The following ADAM32 variants were observed in gnomAD, a reference collection of about 807,000 sequenced individuals.
ADAM32 encodes the protein ADAM metallopeptidase domain 32, also known as disintegrin and metalloproteinase domain-containing protein 32.
A neutral mutation model predicts 114.9 loss-of-function variants in ADAM32; 89 were observed. The observed-to-expected ratio is 0.77, with a 90% CI of 0.65 to 0.92. The LOEUF is 0.92. Among genes scored for constraint, ADAM32 ranks in the 40% least tolerant of loss-of-function variants. The pLI is 0.00. For synonymous variants in ADAM32, 285 were observed against 307.5 expected (o/e 0.93, Z 0.77); for missense variants, 870 against 932.8 (o/e 0.93, Z 0.88).
intron 18 of ADAM32, 83 bp downstream of exon 18, chr8:39,254,599 CT>C: frequency 9.8e-7 from 1 of 1,020,940 alleles, no homozygotes; most frequent in Non-Finnish European, 1.4e-6. Context: ...GATTTTTCCA[CT>C]TACAAGGCAA....
At chr8:39,193,731 C>T (rs978249318) in intron 11 of ADAM32, among the ~76,000 whole-genome samples, 3 of 152,012 alleles carry the variant, frequency 2.0e-5, no homozygotes, top group Admixed American at 6.6e-5. Context: ...TGGGTTCAGT[C>T]GACTGGCTTT....
chr8:39,273,277 G>A (rs1022692439), intron 20 of ADAM32, among the ~76,000 whole-genome samples: 11 of 151,942 alleles, frequency 7.2e-5, no homozygotes, highest in Non-Finnish European at 1.6e-4. Context: ...AGGCTGAGGC[G>A]GGCGGATCAC....
At chr8:39,187,758 T>A (rs1806344891) in intron 11 of ADAM32, among the ~76,000 whole-genome samples, 1 of 152,190 alleles carries the variant, frequency 6.6e-6, no homozygotes, top group African/African-American at 2.4e-5. Flanking sequence ...GATAAATTAC[T>A]TGACTTTGCC....
At chr8:39,122,287 A>T (rs1413174967) in intron 2 of ADAM32, among the ~76,000 whole-genome samples, 4 of 152,228 alleles carry the variant, frequency 2.6e-5, no homozygotes, top group Non-Finnish European at 5.9e-5. Flanking sequence ...CCAAATCCAT[A>T]TGTTGAAAAC....
At chr8:39,215,796 G>C (rs778419404) in intron 12 of ADAM32, among the ~76,000 whole-genome samples, 2 of 151,892 alleles carry the variant, frequency 1.3e-5, no homozygotes, top group Non-Finnish European at 2.9e-5. Flanking sequence ...GATTTCTTTT[G>C]TGACCTAACA....
At chr8:39,243,793 G>GAGAA (rs146755046) in intron 16 of ADAM32, among the ~76,000 whole-genome samples, 10 of 151,948 alleles carry the variant, frequency 6.6e-5, no homozygotes, top group East Asian at 3.9e-4. Context: ...AATCAAACAA[G>GAGAA]AGAAAGAAAG....
At position 39,204,790 on chromosome 8, in the gene ADAM32, G is replaced by T. The variant is rs568014254; in HGVS notation, c.1053-6354G>T. Among the ~76,000 whole-genome samples, 4 of 152,302 alleles carry T rather than the reference G, an allele frequency of 2.6e-5. No individual in the cohort carries two copies. In the East Asian group the frequency reaches 7.7e-4, roughly 29 times the overall value. ...ACCTTTGGTCTTTGATAATGGTGACGTACAGATGGGGTTTTGGTGTGAATG... is the reference window on the plus strand; with the variant it reads ...ACCTTTGGTCTTTGATAATGGTGACTTACAGATGGGGTTTTGGTGTGAATG... On this transcript the variant is annotated intron_variant, in intron 11 of 24. Coordinates refer to ENST00000379907, the MANE Select transcript of ADAM32 (RefSeq NM_145004.7).
At chr8:39,275,501 G>A (rs762597159) in intron 21 of ADAM32, among the ~76,000 whole-genome samples, 6 of 152,088 alleles carry the variant, frequency 3.9e-5, no homozygotes, top group African/African-American at 9.7e-5. Context: ...ATTTATCAAC[G>A]GATAGACTCT....
At chr8:39,272,611 TG>T (rs1281521725) in intron 20 of ADAM32, among the ~76,000 whole-genome samples, 1 of 152,150 alleles carries the variant, frequency 6.6e-6, no homozygotes, top group Non-Finnish European at 1.5e-5. Context: ...ATGATATGTC[TG>T]TATAGGGCAC....
intron 24 of ADAM32, 139 bp downstream of exon 24, chr8:39,283,763 C>CTT: frequency 2.9e-6 from 1 of 345,978 alleles, no homozygotes. Flanking sequence ...ACCTATCTTT[C>CTT]TTTTATTCTT....
chr8:39,123,291 T>C (rs1472437043), intron 2 of ADAM32, among the ~76,000 whole-genome samples: 1 of 152,226 alleles, frequency 6.6e-6, no homozygotes, highest in East Asian at 1.9e-4. Context: ...TGTAAATCCT[T>C]CATTATTCAT....
At chr8:39,273,912 T>C (rs764983212) in intron 20 of ADAM32, among the ~76,000 whole-genome samples, 11 of 152,190 alleles carry the variant, frequency 7.2e-5, no homozygotes, top group African/African-American at 9.6e-5. Flanking sequence ...ATTTACAAAA[T>C]ACTGTCTTTT....
chr8:39,189,539 G>A (rs1054398035), intron 11 of ADAM32, among the ~76,000 whole-genome samples: 4 of 151,978 alleles, frequency 2.6e-5, no homozygotes. Flanking sequence ...TTTCATATCT[G>A]TATACGTGTG....
chr8:39,271,257 T>A (rs762107095), intron 20 of ADAM32, among the ~76,000 whole-genome samples: 11 of 152,150 alleles, frequency 7.2e-5, no homozygotes, highest in Non-Finnish European at 1.5e-4. Context: ...TTTTGGTAAA[T>A]GATAAACCAC....
intron 16 of ADAM32, among the ~76,000 whole-genome samples, chr8:39,245,261 G>A (rs946217098): frequency 6.6e-6 from 1 of 152,088 alleles, no homozygotes; most frequent in Non-Finnish European, 1.5e-5. Context: ...CTCTGAAGAT[G>A]CAAAGGCATG....
chr8:39,224,601 T>C (rs1809217908), intron 14 of ADAM32, among the ~76,000 whole-genome samples: 3 of 152,296 alleles, frequency 2.0e-5, no homozygotes, highest in African/African-American at 7.2e-5. Flanking sequence ...GATTGGGCTT[T>C]TTTTTTGCTA....
intron 5 of ADAM32, among the ~76,000 whole-genome samples, chr8:39,150,645 T>C (rs1175733769): frequency 6.6e-6 from 1 of 152,158 alleles, no homozygotes; most frequent in African/African-American, 2.4e-5. Flanking sequence ...GTAGGGTGTT[T>C]GTTTTCACAA....
intron 11 of ADAM32, among the ~76,000 whole-genome samples, chr8:39,202,911 G>T (rs1230665649): frequency 7.4e-6 from 1 of 134,726 alleles, no homozygotes; most frequent in African/African-American, 2.8e-5. Context: ...TTCAGGAGCA[G>T]GTTGTTCAGT....
At chr8:39,162,961 A>C (rs952431015) in intron 7 of ADAM32, among the ~76,000 whole-genome samples, 1 of 152,224 alleles carries the variant, frequency 6.6e-6, no homozygotes, top group Non-Finnish European at 1.5e-5. Flanking sequence ...AGATCGCACC[A>C]CTGGCCTCCA....
Sources: allele counts gnomAD v4.1 joint callset (sites outside exome capture counted in the v4.1 genomes callset), GRCh38; gene constraint gnomAD v4.1.1; transcripts MANE v1.5; gene names NCBI Gene and HGNC (gene_info 2026-07-23, HGNC 2026-07-21).